Variants in FABP12 observed in about 807,000 individuals in gnomAD.
FABP12 encodes the protein fatty acid binding protein 12.
Under a neutral mutation model 13.7 loss-of-function variants are expected in FABP12, and 19 were observed. The ratio of observed to expected loss-of-function variants is 1.39; its 90% CI spans 0.97 to 2.04. The LOEUF is 2.04. Ranked by LOEUF, FABP12 falls within the 30% of genes most tolerant of loss-of-function variation. FABP12 has a pLI of 0.00. For synonymous variants in FABP12, 61 were observed against 57.0 expected (o/e 1.07, Z -0.32); for missense variants, 182 against 164.2 (o/e 1.11, Z -0.59).
At chr8:81,589,137 G>A (rs73281042) in intron 1 of FABP12, among the ~76,000 whole-genome samples, 2,281 of 152,282 alleles carry the variant, frequency 0.015, 51 homozygotes, top group African/African-American at 0.052. Flanking sequence ...AGCAAATCAT[G>A]CCGCCTTCCC....
chr8:81,578,016 G>T, intron 1 of FABP12, among the ~76,000 whole-genome samples: 1 of 152,298 alleles, frequency 6.6e-6, no homozygotes, highest in Non-Finnish European at 1.5e-5. Context: ...CCCATGGAAG[G>T]TTGATTGTGG....
chr8:81,571,031 C>T (rs1019927791), intron 1 of FABP12, among the ~76,000 whole-genome samples: 5 of 141,216 alleles, frequency 3.5e-5, no homozygotes, highest in Admixed American at 2.2e-4. Context: ...TGCAGGCCAG[C>T]GCCGAGCCAC....
chr8:81,527,889 G>A (rs1434006003), intron 3 of FABP12, among the ~76,000 whole-genome samples: 3 of 151,902 alleles, frequency 2.0e-5, no homozygotes, highest in East Asian at 1.9e-4. Context: ...AGCCTGGGTG[G>A]TTGAGGCTAC....
intron 4 of FABP12, chr8:81,526,151 A>G (rs1479182863): frequency 6.6e-6 from 1 of 152,150 alleles, no homozygotes; most frequent in Non-Finnish European, 1.5e-5. Flanking sequence ...TTGTAGAAAG[A>G]AAAAAAATCA....
At chr8:81,541,495 T>C (rs1000227223) in intron 1 of FABP12, among the ~76,000 whole-genome samples, 1 of 152,188 alleles carries the variant, frequency 6.6e-6, no homozygotes, top group African/African-American at 2.4e-5. Flanking sequence ...TGCAAACTAA[T>C]TCTGACTGCT....
rs755764481 is a variant in FABP12, at chr8:81,529,561, C to CA, written c.122dup (p.Thr42AspfsTer18). The CA allele has an allele frequency of 6.2e-7, 1 of 1,613,794 alleles. No homozygotes were observed. Among genetic ancestry groups the CA allele is most frequent in the East Asian group, 2.2e-5 (1 of 44,882 alleles). ...TGACATCTCCATCTGTACTGATGGT[C>CA]ACAGTGGGTTTTGCCAAACGGCCCA... is the stretch of plus-strand genomic sequence containing the variant. On this transcript the variant is annotated frameshift_variant, in exon 3 of 5. Coordinates refer to ENST00000360464, the Ensembl canonical transcript of FABP12. LOFTEE classifies it high-confidence loss of function.
intron 3 of FABP12, among the ~76,000 whole-genome samples, chr8:81,529,090 G>A (rs1808986556): frequency 6.6e-6 from 1 of 152,168 alleles, no homozygotes; most frequent in South Asian, 2.1e-4. Flanking sequence ...TTTATTCACT[G>A]TAATTCTATG....
Position 81,572,635 on chromosome 8 carries a change from G to C in FABP12, c.-185+17418C>G, listed in dbSNP as rs561396813. Among the ~76,000 whole-genome samples the C allele has an allele frequency of 2.0e-5, 3 of 152,004 alleles. No individual in the cohort carries two copies. In the South Asian group the frequency reaches 6.2e-4, roughly 32 times the overall value. On this transcript the variant is annotated intron_variant, in intron 1 of 5. Coordinates refer to the FABP12 transcript ENST00000692030. ...AACATCTACTGTTTTTTGATTTTTT[G>C]ATTATGGCCATTATTGCAGGTTGAG...
chr8:81,586,216 A>G (rs1194706889), intron 1 of FABP12, among the ~76,000 whole-genome samples: 1 of 151,598 alleles, frequency 6.6e-6, no homozygotes, highest in Non-Finnish European at 1.5e-5. Flanking sequence ...ATGTATATGT[A>G]CCACATTTTC....
chr8:81,528,619 C>T (rs973582773), intron 3 of FABP12, among the ~76,000 whole-genome samples: 5 of 152,124 alleles, frequency 3.3e-5, no homozygotes, highest in African/African-American at 4.8e-5. Context: ...ACTGTCATGA[C>T]CAAGCACGGG....
intron 1 of FABP12, among the ~76,000 whole-genome samples, chr8:81,562,473 G>C (rs529437801): frequency 1.3e-5 from 2 of 152,148 alleles, no homozygotes; most frequent in Non-Finnish European, 1.5e-5. Context: ...GTCATCTTGG[G>C]GTTCCCAATT....
chr8:81,558,241 A>G (rs1267941037), intron 1 of FABP12, among the ~76,000 whole-genome samples: 1 of 152,162 alleles, frequency 6.6e-6, no homozygotes, highest in African/African-American at 2.4e-5. Context: ...AGTCCTCCTC[A>G]CATACTGAGG....
At chr8:81,527,303 A>G (rs1031152135) in intron 3 of FABP12, among the ~76,000 whole-genome samples, 182 bp from the exon 4 acceptor site, 1 of 152,210 alleles carries the variant, frequency 6.6e-6, no homozygotes. Context: ...CTGCTGAAGA[A>G]AAAAGGTTTT....
intron 1 of FABP12, among the ~76,000 whole-genome samples, chr8:81,555,670 T>C (rs979355759): frequency 9.2e-5 from 14 of 152,196 alleles, no homozygotes; most frequent in African/African-American, 3.4e-4. Flanking sequence ...TTGTATCAAT[T>C]CAATTAAGGC....
rs200710849 is a variant in FABP12, at chr8:81,533,585, T to TC, written c.-76+216dup. Among the ~76,000 whole-genome samples the TC allele has an allele frequency of 5.7e-3, 867 of 152,058 alleles. 12 individuals carry two copies. The highest frequency in any genetic ancestry group is 0.02 in the African/African-American group (821 of 41,462). ...TGATTTTCCTTACCAGTTCCTCAAG[T>TC]CCCCCCCACATCCCAAGTGTCATGA... On this transcript the variant is annotated intron_variant, in intron 1 of 4. Coordinates refer to ENST00000360464, the Ensembl canonical transcript of FABP12.
chr8:81,544,968 A>G (rs993055334), intron 1 of FABP12, among the ~76,000 whole-genome samples: 6 of 152,178 alleles, frequency 3.9e-5, no homozygotes, highest in Non-Finnish European at 7.3e-5. Flanking sequence ...TTTATGGCCA[A>G]TGGCGTAGAG....
At chr8:81,586,930 G>A (rs1810248933) in intron 1 of FABP12, among the ~76,000 whole-genome samples, 1 of 152,054 alleles carries the variant, frequency 6.6e-6, no homozygotes, top group Admixed American at 6.6e-5. Flanking sequence ...TTTTGGGTTT[G>A]ACATTTAAGT....
At chr8:81,560,262 A>G (rs1334784938) in intron 1 of FABP12, among the ~76,000 whole-genome samples, 1 of 152,158 alleles carries the variant, frequency 6.6e-6, no homozygotes, top group Non-Finnish European at 1.5e-5. Context: ...AATCACTTCT[A>G]TTCTCTATTT....
chr8:81,558,079 G>A (rs879203038), intron 1 of FABP12, among the ~76,000 whole-genome samples: 1 of 152,198 alleles, frequency 6.6e-6, no homozygotes, highest in South Asian at 2.1e-4. Flanking sequence ...AGGCCAAACA[G>A]ACACGAAGAT....
Sources: allele counts gnomAD v4.1 joint callset (sites outside exome capture counted in the v4.1 genomes callset), GRCh38; gene constraint gnomAD v4.1.1; transcripts MANE v1.5; gene names NCBI Gene and HGNC (gene_info 2026-07-23, HGNC 2026-07-21).